The following CHD1 variants were observed in gnomAD, a reference collection of about 807,000 sequenced individuals.
The protein encoded by CHD1 is chromodomain helicase DNA binding protein 1, also known as ATP-dependent chromatin remodeler CHD1.
A neutral mutation model predicts 224.2 loss-of-function variants in CHD1; 36 were observed. That is an observed-to-expected ratio of 0.16 (90% CI 0.12 to 0.21). The LOEUF is 0.21. CHD1 is among the 10% of genes least tolerant of loss of function. The pLI, the probability that CHD1 is intolerant of heterozygous loss-of-function variation, is 1.00. For missense variants in CHD1, 1,378 were observed against 1,994.8 expected (o/e 0.69, Z 5.89); for synonymous variants, 668 against 658.3 (o/e 1.01, Z -0.23).
chr5:98,876,271 C>G, intron 24 of CHD1, 127 bp downstream of exon 24: 1 of 914,268 alleles, frequency 1.1e-6, no homozygotes, highest in Non-Finnish European at 1.7e-6. Flanking sequence ...CCACCCAATT[C>G]CTACTCAAAT....
In CHD1 at chr5:98,874,953, G is replaced by C. The variant is rs539231284; in HGVS notation, c.3440+119C>G. Reference sequence around the variant, plus strand: ...GAAATTTCCCTTGTACATTAATTTTGTAAATGCCGATTAAAAGCAAATTTA... The same window carrying C: ...GAAATTTCCCTTGTACATTAATTTTCTAAATGCCGATTAAAAGCAAATTTA... On this transcript the variant is annotated intron_variant, in intron 25 of 35. Coordinates refer to ENST00000614616, the MANE Select transcript of CHD1 (RefSeq NM_001270.4). 4 of 616,380 alleles carry C rather than the reference G, an allele frequency of 6.5e-6. No individual in the cohort carries two copies. The African/African-American group carries it at 7.7e-5, about 12-fold the overall frequency. The allele number at this position is 616,380 out of a possible 1,614,324, so 38.2% of individuals were successfully genotyped here.
At chr5:98,868,866 C>A in intron 30 of CHD1, 1 of 495,770 alleles carries the variant, frequency 2.0e-6, no homozygotes, top group Non-Finnish European at 3.1e-6. Flanking sequence ...GTGTTCAGAC[C>A]TACTATTCTC....
intron 4 of CHD1, 45 bp downstream of exon 4, chr5:98,903,744 TCAG>T (rs1561531967): frequency 4.8e-6 from 6 of 1,240,830 alleles, no homozygotes; most frequent in Non-Finnish European, 6.0e-6. Context: ...GTTAACTGAT[TCAG>T]CAGCATGTCC....
At chr5:98,917,427 A>C (rs1752810039) in intron 2 of CHD1, among the ~76,000 whole-genome samples, 1 of 152,054 alleles carries the variant, frequency 6.6e-6, no homozygotes, top group African/African-American at 2.4e-5. Flanking sequence ...CACCTGACAT[A>C]TACATGTATT....
chr5:98,876,371 T>A (rs1749757712), intron 24 of CHD1, 27 bp downstream of exon 24: 2 of 1,601,960 alleles, frequency 1.2e-6, no homozygotes, highest in Non-Finnish European at 1.7e-6. Flanking sequence ...AAAACCAAGT[T>A]GAAGCGATTG....
chr5:98,905,276 ATAAT>A (rs1247410497), intron 2 of CHD1, among the ~76,000 whole-genome samples, 178 bp from the exon 3 acceptor site: 11 of 152,224 alleles, frequency 7.2e-5, no homozygotes, highest in East Asian at 3.8e-4. Flanking sequence ...GCCATAGTTG[ATAAT>A]TTATTTATAC....
Position 98,885,198 on chromosome 5 carries a change from C to T in CHD1, c.2568+380G>A, listed in dbSNP as rs329333. On this transcript the variant is annotated intron_variant, in intron 18 of 35. Transcript: ENST00000614616. ...CCTGAGGTCAGGAGTTCAAGACCGGCCTAGCCAACATGGTGAAGCCCCATC... is the reference window on the plus strand; with the variant it reads ...CCTGAGGTCAGGAGTTCAAGACCGGTCTAGCCAACATGGTGAAGCCCCATC... Among the ~76,000 whole-genome samples the T allele has an allele frequency of 2.6e-5, 4 of 152,080 alleles. No homozygotes were observed. The South Asian group carries it at 6.2e-4, about 24-fold the overall frequency.
intron 2 of CHD1, among the ~76,000 whole-genome samples, chr5:98,914,337 CTG>C (rs1752609900): frequency 6.6e-6 from 1 of 152,172 alleles, no homozygotes; most frequent in Non-Finnish European, 1.5e-5. Flanking sequence ...ATTTAAGCCC[CTG>C]TGTTTTTAGT....
Position 98,926,446 on chromosome 5 carries a change from A to G in CHD1, c.-60T>C, listed in dbSNP as rs1399097959. 6 of 902,244 alleles carry G rather than the reference A, an allele frequency of 6.7e-6. No individual in the cohort carries two copies. Among genetic ancestry groups the G allele is most frequent in the Non-Finnish European group, 9.9e-6 (6 of 608,008 alleles). The allele number at this position is 902,244 out of a possible 1,614,324, so 55.9% of individuals were successfully genotyped here. A position where few individuals can be genotyped will look rare whatever the true frequency, so the allele number is the denominator to read the frequency against. On this transcript the variant is annotated 5_prime_UTR_variant, in exon 2 of 36. Transcript: ENST00000614616. The stretch of plus-strand genomic sequence containing the variant: ...ATAAATCTTCCCAGTTTAAAAGATG[A>G]ATATAAATACTGACTCCTTGAATAT...
At chr5:98,884,649 A>C (rs1029062951) in intron 18 of CHD1, among the ~76,000 whole-genome samples, 6 of 152,072 alleles carry the variant, frequency 3.9e-5, no homozygotes, top group African/African-American at 4.8e-5. Flanking sequence ...TTTCCCAAAA[A>C]TCCACGGAAA....
At chr5:98,927,893 C>G (rs1158086198) in intron 1 of CHD1, among the ~76,000 whole-genome samples, 3 of 152,208 alleles carry the variant, frequency 2.0e-5, no homozygotes, top group Admixed American at 2.0e-4. Flanking sequence ...GCGCACACAG[C>G]GCTGTGTCCT....
chr5:98,900,997 A>G lies in CHD1; in HGVS notation c.673T>C (p.Tyr225His), dbSNP rs372549408. The change falls in exon 7 of 36, where the codon TAT (tyrosine) becomes CAT (histidine). Residue 225 changes from tyrosine (Y) to histidine (H), a missense_variant. Around this residue, in one of 16 missense-constraint regions of CHD1, gnomAD observed 306 missense variants for 298.1 expected, o/e 1.03. Coordinates refer to ENST00000614616, the MANE Select transcript of CHD1 (RefSeq NM_001270.4). ...SSEEDDDEED[Y>H]DNDKRSSRRQ... ...CGAGAACTTCTTTTATCATTATCATAATCTTCTTCATCATCATCCTCCTCA... is the reference window on the plus strand; with the variant it reads ...CGAGAACTTCTTTTATCATTATCATGATCTTCTTCATCATCATCCTCCTCA... 95 of 1,613,776 alleles carry G rather than the reference A, an allele frequency of 5.9e-5. No homozygotes were observed. The highest frequency in any genetic ancestry group is 7.8e-5 in the Non-Finnish European group (92 of 1,179,870).
In CHD1 at chr5:98,910,303, C is replaced by T. The variant is rs116733438; in HGVS notation, c.54-5205G>A. Among the ~76,000 whole-genome samples, 131 of 152,196 alleles carry T rather than the reference C, an allele frequency of 8.6e-4. 2 individuals carry two copies. Among genetic ancestry groups the T allele is most frequent in the African/African-American group, 3.2e-3 (131 of 41,548 alleles). On this transcript the variant is annotated intron_variant, in intron 2 of 35. Coordinates refer to ENST00000614616, the MANE Select transcript of CHD1 (RefSeq NM_001270.4). ...TTCAAAATAATACCATTATCATAAA[C>T]AATATGATTATTAAAGTTAAGATGA...
intron 8 of CHD1, among the ~76,000 whole-genome samples, chr5:98,899,229 A>G (rs1326694668): frequency 1.3e-5 from 2 of 152,186 alleles, no homozygotes; most frequent in Non-Finnish European, 2.9e-5. Flanking sequence ...ACGTAAATGC[A>G]GTGCAAATAG....
intron 18 of CHD1, 141 bp downstream of exon 18, chr5:98,885,437 C>A (rs1750583928): frequency 3.2e-6 from 2 of 620,938 alleles, no homozygotes; most frequent in East Asian, 3.0e-5. Flanking sequence ...ACTTTAAAAC[C>A]TCATTTGCTA....
Position 98,881,325 on chromosome 5 carries a change from G to T in CHD1, c.2918C>A (p.Ala973Asp). 6.5e-7 allele frequency: 1 copy of T among 1,536,338 alleles called. No individual in the cohort carries two copies. The highest frequency in any genetic ancestry group is 2.1e-5 in the Admixed American group (1 of 48,394). ...TTCAGGTTCCTTAAAAAGTTCTTCA[G>T]CACCAAACTTTAAAATGGCTGATAA... is the stretch of plus-strand genomic sequence containing the variant. ...EELSAILKFG[A>D]EELFKEPEGE... Residue 973 changes from alanine (A) to aspartate (D), a missense_variant, in exon 21 of 36, where the codon GCT (alanine) becomes GAT (aspartate). By Grantham distance (126) the Ala-to-Asp change is moderately radical. Coordinates refer to ENST00000614616, the MANE Select transcript of CHD1 (RefSeq NM_001270.4).
chr5:98,922,854 T>C (rs1048680678), intron 2 of CHD1, among the ~76,000 whole-genome samples: 2 of 152,074 alleles, frequency 1.3e-5, no homozygotes, highest in Non-Finnish European at 2.9e-5. Context: ...CTGGATGCAG[T>C]GGTGCATGCC....
chr5:98,870,536 T>C, intron 29 of CHD1, 151 bp downstream of exon 29: 1 of 451,134 alleles, frequency 2.2e-6, no homozygotes, highest in Non-Finnish European at 4.0e-6. Flanking sequence ...AGGTAAAATT[T>C]AAATATGGCA....
At chr5:98,859,655 T>C (rs556423901) in intron 33 of CHD1, among the ~76,000 whole-genome samples, 1 of 152,292 alleles carries the variant, frequency 6.6e-6, no homozygotes. Context: ...GATGCTGATA[T>C]GTCTTAACTA....
Sources: gnomAD v4.1 joint callset for allele counts (sites outside exome capture counted in the v4.1 genomes callset) on GRCh38, gnomAD v4.1.1 for gene constraint, gnomAD v4.1.1 regional missense constraint, MANE v1.5 for transcripts, NCBI Gene and HGNC (gene_info 2026-07-23, HGNC 2026-07-21) for gene names.